Variants in NT5E observed in about 807,000 individuals in gnomAD.
The protein encoded by NT5E is 5'-nucleotidase.
NT5E carries 53 observed loss-of-function variants against 55.1 expected under a neutral mutation model. That is an observed-to-expected ratio of 0.96 (90% CI 0.77 to 1.21). The LOEUF (loss-of-function observed/expected upper bound fraction) is 1.21. Ranked by LOEUF, NT5E falls within the 50% of genes most tolerant of loss-of-function variation. The probability of loss-of-function intolerance (pLI) is 0.00; values close to 1 mark genes in which losing one functional copy is unlikely to be tolerated. For missense variants in NT5E, 683 were observed against 724.3 expected (o/e 0.94, Z 0.65); for synonymous variants, 270 against 278.4 (o/e 0.97, Z 0.30).
chr6:85,455,199 T>C (rs1768964336), intron 1 of NT5E, among the ~76,000 whole-genome samples: 2 of 152,198 alleles, frequency 1.3e-5, no homozygotes, highest in African/African-American at 4.8e-5. Flanking sequence ...ACCCTAGAAA[T>C]TTCCTAAGTA....
intron 3 of NT5E, among the ~76,000 whole-genome samples, chr6:85,478,242 T>G (rs1024833008): frequency 7.9e-5 from 12 of 152,294 alleles, no homozygotes; most frequent in African/African-American, 2.6e-4. Flanking sequence ...AGCTGTCTCA[T>G]GAAACTGCTT....
intron 1 of NT5E, among the ~76,000 whole-genome samples, chr6:85,461,713 A>G (rs976457365): frequency 2.6e-5 from 4 of 152,046 alleles, no homozygotes; most frequent in Non-Finnish European, 5.9e-5. Context: ...TCCCACACCC[A>G]TTTCCGTCCT....
chr6:85,460,421 G>A (rs981165070), intron 1 of NT5E, among the ~76,000 whole-genome samples: 1 of 152,072 alleles, frequency 6.6e-6, no homozygotes. Context: ...TAATAAGCAT[G>A]GAATCTATTT....
intron 3 of NT5E, among the ~76,000 whole-genome samples, chr6:85,471,861 A>C (rs985363321): frequency 1.3e-5 from 2 of 152,170 alleles, no homozygotes; most frequent in Admixed American, 6.5e-5. Flanking sequence ...TGTAGGTTGC[A>C]CAGGTAGCAG....
At chr6:85,490,159 G>A (rs1769751936) in intron 6 of NT5E, among the ~76,000 whole-genome samples, 1 of 152,204 alleles carries the variant, frequency 6.6e-6, no homozygotes, top group Non-Finnish European at 1.5e-5. Context: ...TCAGACAACA[G>A]GGACAGGTTG....
rs1769875580 is a variant in NT5E, at chr6:85,495,553, G to A, written c.*1549G>A. On this transcript the variant is annotated 3_prime_UTR_variant, in exon 9 of 9. Transcript: ENST00000257770. ...AATAGCCTCGGTTCTATGCATATAT[G>A]GATTAGCTATAAAAAATGTCAATAA... 2 of 152,120 alleles carry A rather than the reference G, an allele frequency of 1.3e-5. No individual in the cohort carries two copies. Among genetic ancestry groups the A allele is most frequent in the Admixed American group, 6.5e-5 (1 of 15,268 alleles). The allele number at this position is 152,120 out of a possible 1,614,324, so 9.4% of individuals were successfully genotyped here.
intron 4 of NT5E, 91 bp from the exon 5 acceptor site, chr6:85,487,244 A>G: frequency 4.2e-6 from 5 of 1,178,194 alleles, no homozygotes; most frequent in Non-Finnish European, 6.3e-6. Context: ...ATGTTCTCAC[A>G]GCAAGTAAGA....
chr6:85,471,549 A>G, intron 3 of NT5E, 124 bp downstream of exon 3: 1 of 570,886 alleles, frequency 1.8e-6, no homozygotes, highest in Non-Finnish European at 3.0e-6. Flanking sequence ...TATATGATCT[A>G]TAATATATAT....
In NT5E at chr6:85,471,266, A is replaced by G; in HGVS notation, c.592A>G (p.Thr198Ala). The change falls in exon 3 of 9, where the codon ACT becomes GCT. Residue 198 changes from threonine to alanine, a missense_variant. Thr to Ala is a moderately conservative substitution (Grantham distance 58). Coordinates refer to ENST00000257770, the MANE Select transcript of NT5E (RefSeq NM_002526.4). Reference protein sequence around the residue: ...GTNLVFEDEITALQPEVDKLK... With the variant: ...GTNLVFEDEIAALQPEVDKLK... ...AAATTTAGTGTTTGAAGATGAAATC[A>G]CTGCATTACAACCTGAAGTAGATAA... 1 of 1,609,988 alleles carries G rather than the reference A, an allele frequency of 6.2e-7. No homozygotes were observed. The highest frequency in any genetic ancestry group is 8.5e-7 in the Non-Finnish European group (1 of 1,177,548).
chr6:85,459,099 C>T (rs757190573), intron 1 of NT5E, among the ~76,000 whole-genome samples: 9 of 152,098 alleles, frequency 5.9e-5, no homozygotes, highest in Non-Finnish European at 1.0e-4. Flanking sequence ...AACTGAGCCC[C>T]GTCATATAGT....
intron 3 of NT5E, among the ~76,000 whole-genome samples, chr6:85,477,657 A>G (rs1264902782): frequency 1.3e-5 from 2 of 152,208 alleles, no homozygotes; most frequent in Non-Finnish European, 2.9e-5. Context: ...ATTAATTTTC[A>G]TCCTTGCAGT....
chr6:85,487,330 T>C lies in NT5E; in HGVS notation c.950-5T>C, dbSNP rs917799319. On this transcript the variant is annotated splice_region_variant and splice_polypyrimidine_tract_variant and intron_variant, in intron 4 of 8. Transcript: ENST00000257770. ...TTGTAGGGTACCTTCTTTTCTTTCT[T>C]CTAGATCCAAGCATAAAAGCAGACA... 3 of 1,612,480 alleles carry C rather than the reference T, an allele frequency of 1.9e-6. No individual in the cohort carries two copies. The highest frequency in any genetic ancestry group is 2.5e-6 in the Non-Finnish European group (3 of 1,178,548).
intron 1 of NT5E, among the ~76,000 whole-genome samples, chr6:85,465,501 C>T (rs775477649): frequency 3.2e-4 from 49 of 152,114 alleles, no homozygotes; most frequent in Non-Finnish European, 5.9e-4. Flanking sequence ...ACCTGTAAGA[C>T]CAGATCAGCT....
rs1769863146 is a variant in NT5E at position 85,495,074 on chromosome 6, G to C, written c.*1070G>C. 6.6e-6 allele frequency: 1 copy of C among 152,178 alleles called. No homozygotes were observed. The highest frequency in any genetic ancestry group is 2.4e-5 in the African/African-American group (1 of 41,452). 9.4% of individuals were successfully genotyped at this position (152,178 alleles called of 1,614,324 possible). On this transcript the variant is annotated 3_prime_UTR_variant, in exon 9 of 9. Transcript: ENST00000257770. ...CCCTCTCCAGCAAGAGGCTAGCACT[G>C]AATTCATTCTACTCATACTACACAC...
chr6:85,463,115 GA>G (rs1335397346), intron 1 of NT5E, among the ~76,000 whole-genome samples: 3 of 152,142 alleles, frequency 2.0e-5, no homozygotes, highest in Admixed American at 2.0e-4. Context: ...CCTACATAAA[GA>G]AAGTGGTGGG....
rs759032542 is a variant in NT5E, at chr6:85,485,322, C to A, written c.839C>A (p.Ala280Asp). 2 of 1,614,130 alleles carry A rather than the reference C, an allele frequency of 1.2e-6. No individual in the cohort carries two copies. Among genetic ancestry groups the A allele is most frequent in the Non-Finnish European group, 1.7e-6 (2 of 1,180,006 alleles). ...GGGCGGAAGGTTCCTGTAGTCCAGG[C>A]CTATGCTTTTGGCAAATACCTAGGC... ...DDGRKVPVVQ[A>D]YAFGKYLGYL... Residue 280 changes from alanine (A) to aspartate (D), a missense_variant, in exon 4 of 9, where the codon GCC (alanine) becomes GAC (aspartate). Physicochemically the swap from Ala to Asp is moderately radical, Grantham distance 126. Transcript: ENST00000257770.
chr6:85,487,411 A>G lies in NT5E; in HGVS notation c.1026A>G (p.Thr342=), dbSNP rs1487856683. 6.2e-7 allele frequency: 1 copy of G among 1,614,142 alleles called. No homozygotes were observed. Among genetic ancestry groups the G allele is most frequent in the Non-Finnish European group, 8.5e-7 (1 of 1,179,942 alleles). ...DNYSTQELGK[T]IVYLDGSSQS... ...ATTCTACCCAGGAATTAGGGAAAAC[A>G]ATTGTCTATCTGGATGGCTCCTCTC... Residue 342 remains threonine, a synonymous_variant, in exon 5 of 9, where the codon ACA becomes ACG. Coordinates refer to ENST00000257770, the MANE Select transcript of NT5E (RefSeq NM_002526.4).
At position 85,489,517 on chromosome 6, in the gene NT5E, G is replaced by A. The variant is rs138566130; in HGVS notation, c.1128G>A (p.Thr376=). The change falls in exon 6 of 9, where the codon ACG becomes ACA. Residue 376 remains threonine (T), a synonymous_variant. Transcript: ENST00000257770. ...AGATTAACAACAACCTGAGACACAC[G>A]GATGAAATGTTCTGGAACCACGTAT... ...DAMINNNLRH[T]DEMFWNHVSM... 9.9e-6 allele frequency: 16 copies of A among 1,613,552 alleles called. No individual in the cohort carries two copies. Among genetic ancestry groups the A allele is most frequent in the East Asian group, 4.5e-5 (2 of 44,860 alleles).
chr6:85,481,892 T>C (rs1163148229), intron 3 of NT5E, among the ~76,000 whole-genome samples: 1 of 152,162 alleles, frequency 6.6e-6, no homozygotes, highest in African/African-American at 2.4e-5. Flanking sequence ...GAAAGAAGCA[T>C]AGAAGAGACC....
Sources: gnomAD v4.1 joint callset for allele counts (sites outside exome capture counted in the v4.1 genomes callset) on GRCh38, gnomAD v4.1.1 for gene constraint, MANE v1.5 for transcripts, NCBI Gene and HGNC (gene_info 2026-07-23, HGNC 2026-07-21) for gene names.